PPFIA2: variants seen among roughly 807,000 people sequenced by gnomAD.
The protein encoded by PPFIA2 is PPFI scaffold protein A2.
A neutral mutation model predicts 175.5 loss-of-function variants in PPFIA2; 46 were observed. The observed-to-expected ratio is 0.26, with a 90% CI of 0.21 to 0.34. The LOEUF is 0.34. Ranked by LOEUF, PPFIA2 falls within the 10% of genes least tolerant of loss-of-function variation. PPFIA2 has a pLI of 1.00. For missense variants in PPFIA2, 1,179 were observed against 1,506.1 expected (o/e 0.78, Z 3.60); for synonymous variants, 568 against 511.4 (o/e 1.11, Z -1.49).
intron 3 of PPFIA2, among the ~76,000 whole-genome samples, chr12:81,718,742 G>A (rs948692913): frequency 1.3e-5 from 2 of 151,636 alleles, no homozygotes; most frequent in African/African-American, 4.8e-5. Flanking sequence ...TACAGATTAT[G>A]TTCATTTGTT....
intron 4 of PPFIA2, among the ~76,000 whole-genome samples, chr12:81,636,447 A>ACT (rs1777740587): frequency 6.7e-6 from 1 of 150,348 alleles, no homozygotes; most frequent in African/African-American, 2.4e-5. Flanking sequence ...TTGTATTTTT[A>ACT]GTAGAGACGG....
chr12:81,361,522 A>G (rs1228976014), intron 15 of PPFIA2, among the ~76,000 whole-genome samples: 1 of 151,622 alleles, frequency 6.6e-6, no homozygotes, highest in East Asian at 1.9e-4. Context: ...CTCATATTCA[A>G]TTGAGTATGG....
intron 7 of PPFIA2, among the ~76,000 whole-genome samples, chr12:81,407,570 A>T (rs984500934): frequency 6.6e-6 from 1 of 152,140 alleles, no homozygotes; most frequent in African/African-American, 2.4e-5. Flanking sequence ...TTCCCAGCTT[A>T]TTTAGCCAAA....
intron 7 of PPFIA2, among the ~76,000 whole-genome samples, chr12:81,429,146 G>A (rs916488100): frequency 1.3e-5 from 2 of 152,134 alleles, no homozygotes; most frequent in Non-Finnish European, 2.9e-5. Context: ...GCATAAACAT[G>A]TGGAAAATTA....
intron 3 of PPFIA2, among the ~76,000 whole-genome samples, chr12:81,692,912 C>T (rs369634117): frequency 1.1e-4 from 17 of 151,982 alleles, no homozygotes; most frequent in African/African-American, 2.2e-4. Context: ...AATTCTATGA[C>T]GAAAAAGCAG....
intron 4 of PPFIA2, among the ~76,000 whole-genome samples, chr12:81,557,885 C>A (rs2069176256): frequency 6.6e-6 from 1 of 151,936 alleles, no homozygotes; most frequent in Non-Finnish European, 1.5e-5. Context: ...ACTCTCTGGC[C>A]ATAAATTATT....
chr12:81,352,055 T>A (rs2060107574), intron 17 of PPFIA2, among the ~76,000 whole-genome samples: 1 of 152,156 alleles, frequency 6.6e-6, no homozygotes, highest in Non-Finnish European at 1.5e-5. Flanking sequence ...AAGAGGACTC[T>A]ATCCTGCTTT....
chr12:81,371,755 T>G (rs984673175), intron 11 of PPFIA2, among the ~76,000 whole-genome samples: 2 of 151,824 alleles, frequency 1.3e-5, no homozygotes, highest in Admixed American at 1.3e-4. Flanking sequence ...GTAGATATTA[T>G]AAATCATAAG....
intron 3 of PPFIA2, among the ~76,000 whole-genome samples, chr12:81,749,947 T>C (rs1355754053): frequency 6.9e-6 from 1 of 144,222 alleles, no homozygotes; most frequent in Non-Finnish European, 1.6e-5. Context: ...ATGGGCCTAG[T>C]ACTTTGGCAG....
intron 4 of PPFIA2, among the ~76,000 whole-genome samples, chr12:81,642,219 A>G (rs2065055697): frequency 6.6e-6 from 1 of 152,102 alleles, no homozygotes; most frequent in Non-Finnish European, 1.5e-5. Context: ...ACACATATAT[A>G]CACACAAAAG....
chr12:81,335,886 A>G (rs2057047961), intron 21 of PPFIA2, among the ~76,000 whole-genome samples: 1 of 152,184 alleles, frequency 6.6e-6, no homozygotes, highest in Admixed American at 6.5e-5. Context: ...CCTAAATTCA[A>G]TTGTGGCCTT....
chr12:81,450,489 G>T (rs1366426598), intron 5 of PPFIA2, among the ~76,000 whole-genome samples: 3 of 151,716 alleles, frequency 2.0e-5, no homozygotes, highest in African/African-American at 4.8e-5. Flanking sequence ...AGGGTTGTTT[G>T]TTTTTTTTCT....
chr12:81,695,064 TTTTTA>T (rs1332901380), intron 3 of PPFIA2, among the ~76,000 whole-genome samples: 1 of 152,156 alleles, frequency 6.6e-6, no homozygotes, highest in Admixed American at 6.5e-5. Context: ...ACTAATTTGT[TTTTTA>T]TTTTTCAGGC....
chr12:81,306,547 T>C (rs1477412892), intron 22 of PPFIA2, among the ~76,000 whole-genome samples: 55 of 145,086 alleles, frequency 3.8e-4, no homozygotes, highest in African/African-American at 1.4e-3. Flanking sequence ...CGTTGTTTTT[T>C]TTTTTTTTTT....
intron 4 of PPFIA2, among the ~76,000 whole-genome samples, chr12:81,611,367 A>AG (rs781756757): frequency 1.3e-4 from 20 of 152,174 alleles, no homozygotes; most frequent in South Asian, 4.1e-4. Context: ...CTCTCCTGCA[A>AG]GGGGGGTTCC....
intron 4 of PPFIA2, among the ~76,000 whole-genome samples, chr12:81,579,109 T>C (rs149038234): frequency 1.7e-4 from 26 of 151,954 alleles, no homozygotes; most frequent in African/African-American, 5.5e-4. Context: ...AAGTGCTTTC[T>C]TTACGACTTT....
chr12:81,376,993 T>C (rs931063048), intron 9 of PPFIA2, among the ~76,000 whole-genome samples: 6 of 151,868 alleles, frequency 4.0e-5, no homozygotes, highest in Admixed American at 6.6e-5. Flanking sequence ...AATGAAAAGA[T>C]AGGTTGAATA....
chr12:81,557,250 G>T (rs569574306), intron 4 of PPFIA2, among the ~76,000 whole-genome samples: 1 of 151,232 alleles, frequency 6.6e-6, no homozygotes. Flanking sequence ...GATATTATAC[G>T]TATGTATAGG....
At chr12:81,754,784 T>C (rs970765387) in intron 2 of PPFIA2, among the ~76,000 whole-genome samples, 1 of 152,198 alleles carries the variant, frequency 6.6e-6, no homozygotes, top group Non-Finnish European at 1.5e-5. Context: ...AATCAGCTTT[T>C]ACTTTGTTTT....
Sources: gnomAD v4.1 joint callset for allele counts (sites outside exome capture counted in the v4.1 genomes callset) on GRCh38, gnomAD v4.1.1 for gene constraint, MANE v1.5 for transcripts, NCBI Gene and HGNC (gene_info 2026-07-23, HGNC 2026-07-21) for gene names.